Variants in SORCS1 observed in about 807,000 individuals in gnomAD.
SORCS1 encodes sortilin related VPS10 domain containing receptor 1.
Under a neutral mutation model 146.1 loss-of-function variants are expected in SORCS1, and 60 were observed. The observed-to-expected ratio is 0.41, with a 90% CI of 0.33 to 0.51. SORCS1 has a LOEUF of 0.51. Ranked by LOEUF, SORCS1 falls within the 20% of genes least tolerant of loss-of-function variation. The pLI is 0.21. For missense variants in SORCS1, 1,352 were observed against 1,487.6 expected, an observed-to-expected ratio of 0.91 and a Z score of 1.50; for synonymous variants, 637 against 584.0, an observed-to-expected ratio of 1.09 and a Z score of -1.31.
intron 18 of SORCS1, among the ~76,000 whole-genome samples, chr10:106,647,686 T>C (rs774399236): frequency 4.6e-5 from 7 of 152,166 alleles, no homozygotes; most frequent in Non-Finnish European, 8.8e-5. Context: ...AAGAGCTTTA[T>C]TCAAGATAAA....
intron 1 of SORCS1, among the ~76,000 whole-genome samples, chr10:107,003,854 A>C (rs1484130318): frequency 1.3e-5 from 2 of 152,148 alleles, no homozygotes; most frequent in Non-Finnish European, 2.9e-5. Context: ...CATGATTCAA[A>C]AGCAATCCAC....
intron 24 of SORCS1, 40 bp downstream of exon 24, chr10:106,597,311 C>T (rs377759088): frequency 1.7e-5 from 26 of 1,551,032 alleles, no homozygotes; most frequent in Non-Finnish European, 2.0e-5. Flanking sequence ...ATTCCCTTTG[C>T]CAGAGCCACC....
At chr10:106,646,261 A>G (rs1849423312) in intron 18 of SORCS1, among the ~76,000 whole-genome samples, 1 of 152,174 alleles carries the variant, frequency 6.6e-6, no homozygotes, top group Non-Finnish European at 1.5e-5. Flanking sequence ...TCAAAAAAAT[A>G]AAAATAAAAA....
upstream of SORCS1, among the ~76,000 whole-genome samples, chr10:107,165,496 A>G (rs1970023029): frequency 6.6e-6 from 1 of 152,116 alleles, no homozygotes; most frequent in Non-Finnish European, 1.5e-5. The surrounding 1 kb of genome is among the most constrained non-coding windows in gnomAD (Gnocchi z 4.0). Flanking sequence ...AGAGACTGCA[A>G]ACTCATTGAG....
chr10:106,863,206 T>A (rs1019207784), intron 2 of SORCS1, among the ~76,000 whole-genome samples: 2 of 152,024 alleles, frequency 1.3e-5, no homozygotes, highest in African/African-American at 2.4e-5. Context: ...TAAGAGAACA[T>A]TAAAAATAAA....
At chr10:107,073,353 A>G (rs1962601879) in intron 1 of SORCS1, among the ~76,000 whole-genome samples, 1 of 152,166 alleles carries the variant, frequency 6.6e-6, no homozygotes, top group Non-Finnish European at 1.5e-5. Context: ...TTTCTTCAAT[A>G]AAAATATTTA....
At chr10:106,721,558 C>A (rs1372057995) in intron 6 of SORCS1, among the ~76,000 whole-genome samples, 2 of 152,084 alleles carry the variant, frequency 1.3e-5, no homozygotes, top group Non-Finnish European at 2.9e-5. Context: ...TTAAAATTTG[C>A]TCTCAGATGG....
intron 2 of SORCS1, among the ~76,000 whole-genome samples, chr10:106,883,157 A>G (rs1950868947): frequency 6.6e-6 from 1 of 152,098 alleles, no homozygotes; most frequent in South Asian, 2.1e-4. Flanking sequence ...TTTCAATTTG[A>G]TTTGATTTTA....
In SORCS1 at chr10:106,989,676, TTTTG is replaced by T. The variant is rs1288476725; in HGVS notation, c.559-33100_559-33097del. Among the ~76,000 whole-genome samples, 17 of 83,574 alleles carry T rather than the reference TTTTG, an allele frequency of 2.0e-4. 1 individual carries two copies. The highest frequency in any genetic ancestry group is 5.5e-4 in the African/African-American group (15 of 27,102). The allele number at this position is 83,574 out of a possible 152,430, so 54.8% of individuals were successfully genotyped here. A position where few individuals can be genotyped will look rare whatever the true frequency, so the allele number is the denominator to read the frequency against. On this transcript the variant is annotated intron_variant, in intron 1 of 25. Coordinates refer to ENST00000263054, the MANE Select transcript of SORCS1 (RefSeq NM_052918.5). Reference sequence around the variant, plus strand: ...ATATACTCATATTTTTTCTGTTTTTTTTTGTTTTTTTTTTTTTTTTTTTTTTCTG... The same window carrying T: ...ATATACTCATATTTTTTCTGTTTTTTTTTTTTTTTTTTTTTTTTTTTTCTG...
At chr10:106,950,094 T>G (rs946275897) in intron 2 of SORCS1, among the ~76,000 whole-genome samples, 1 of 152,206 alleles carries the variant, frequency 6.6e-6, no homozygotes, top group African/African-American at 2.4e-5. Flanking sequence ...CACTATAAAG[T>G]GAAGACAATT....
intron 3 of SORCS1, among the ~76,000 whole-genome samples, chr10:106,779,175 T>A (rs1400649740): frequency 6.6e-6 from 1 of 152,154 alleles, no homozygotes; most frequent in Non-Finnish European, 1.5e-5. Flanking sequence ...AGCCCTCACC[T>A]AAAACTCTCC....
chr10:106,986,341 C>A (rs1956469388), intron 1 of SORCS1, among the ~76,000 whole-genome samples: 1 of 151,978 alleles, frequency 6.6e-6, no homozygotes, highest in Non-Finnish European at 1.5e-5. Context: ...AAAAAACTTA[C>A]ATATTTAAGA....
At chr10:106,882,754 A>C (rs543229326) in intron 2 of SORCS1, among the ~76,000 whole-genome samples, 13 of 152,310 alleles carry the variant, frequency 8.5e-5, no homozygotes, top group Non-Finnish European at 1.8e-4. Flanking sequence ...TTTTCCTTAC[A>C]AAGGGATTCA....
Position 107,093,401 on chromosome 10 carries a change from G to A in SORCS1, c.558+70568C>T, listed in dbSNP as rs559276510. Among the ~76,000 whole-genome samples, 264 of 152,272 alleles carry A rather than the reference G, an allele frequency of 1.7e-3. 1 individual carries two copies. Among genetic ancestry groups the A allele is most frequent in the African/African-American group, 5.8e-3 (240 of 41,570 alleles). On this transcript the variant is annotated intron_variant, in intron 1 of 25. Transcript: ENST00000263054. ...TACAAAGCGAGTCTTTCGGCCAGGC[G>A]TGGTGGCTCACGCCTGTAATCCCAA...
chr10:107,125,489 C>T (rs1410299929), intron 1 of SORCS1, among the ~76,000 whole-genome samples: 4 of 152,328 alleles, frequency 2.6e-5, no homozygotes, highest in East Asian at 1.9e-4. Flanking sequence ...GATATTCACT[C>T]GGTCACTACT....
chr10:106,963,841 A>G (rs1955374556), intron 1 of SORCS1, among the ~76,000 whole-genome samples: 1 of 152,200 alleles, frequency 6.6e-6, no homozygotes, highest in African/African-American at 2.4e-5. Flanking sequence ...GATACAAAAC[A>G]AGGAATGATA....
intron 2 of SORCS1, among the ~76,000 whole-genome samples, chr10:106,902,626 T>C (rs1951756417): frequency 6.6e-6 from 1 of 152,238 alleles, no homozygotes; most frequent in Non-Finnish European, 1.5e-5. Flanking sequence ...TAGGTATAAC[T>C]GGTGGTGGTC....
intron 1 of SORCS1, among the ~76,000 whole-genome samples, chr10:107,136,501 G>A (rs1335965824): frequency 6.6e-6 from 1 of 152,110 alleles, no homozygotes; most frequent in Non-Finnish European, 1.5e-5. Context: ...AGACCTCAGA[G>A]TTTCAGTGCA....
chr10:106,999,771 G>A (rs1957143239), intron 1 of SORCS1, among the ~76,000 whole-genome samples: 1 of 152,176 alleles, frequency 6.6e-6, no homozygotes, highest in Admixed American at 6.5e-5. Flanking sequence ...GCCAGGGGCT[G>A]GGCTCAAATT....
Sources: allele counts gnomAD v4.1 joint callset (sites outside exome capture counted in the v4.1 genomes callset), GRCh38; gene constraint gnomAD v4.1.1; non-coding constraint Gnocchi (gnomAD v3.1); transcripts MANE v1.5; gene names NCBI Gene and HGNC (gene_info 2026-07-23, HGNC 2026-07-21).